SLC8A1: variants seen among roughly 807,000 people sequenced by gnomAD.
SLC8A1 encodes solute carrier family 8 member A1, also known as sodium/calcium exchanger 1.
In SLC8A1, 18 loss-of-function variants were observed where a neutral mutation model predicts 68.3. The ratio of observed to expected loss-of-function variants is 0.26; its 90% CI spans 0.18 to 0.39. The LOEUF (loss-of-function observed/expected upper bound fraction) is 0.39. Ranked by LOEUF, SLC8A1 falls within the 10% of genes least tolerant of loss-of-function variation. The probability of loss-of-function intolerance (pLI) is 1.00; values close to 1 mark genes in which losing one functional copy is unlikely to be tolerated. For synonymous variants in SLC8A1, 475 were observed against 415.5 expected, an observed-to-expected ratio of 1.14 and a Z score of -1.74; for missense variants, 985 against 1,156.7, an observed-to-expected ratio of 0.85 and a Z score of 2.15.
intron 2 of SLC8A1, among the ~76,000 whole-genome samples, chr2:40,370,377 T>A (rs930985847): frequency 6.6e-6 from 1 of 152,032 alleles, no homozygotes; most frequent in African/African-American, 2.4e-5. Flanking sequence ...CTCCCCAACT[T>A]CTTATATAGC....
intron 1 of SLC8A1, among the ~76,000 whole-genome samples, chr2:40,473,923 T>C (rs1361315390): frequency 6.6e-6 from 1 of 152,210 alleles, no homozygotes; most frequent in African/African-American, 2.4e-5. Flanking sequence ...TGATTTGATA[T>C]TCAATATAAA....
At chr2:40,239,865 T>G (rs1170858830) in intron 2 of SLC8A1, among the ~76,000 whole-genome samples, 1 of 152,202 alleles carries the variant, frequency 6.6e-6, no homozygotes, top group East Asian at 1.9e-4. Flanking sequence ...ACTAAATATG[T>G]TGATTGCATG....
intron 6 of SLC8A1, among the ~76,000 whole-genome samples, chr2:40,157,668 G>A (rs2044815080): frequency 6.6e-6 from 1 of 152,172 alleles, no homozygotes; most frequent in South Asian, 2.1e-4. Context: ...ACTGGACAGG[G>A]AATGCTGGCT....
At chr2:40,485,516 G>A (rs1319599878) in intron 1 of SLC8A1, among the ~76,000 whole-genome samples, 4 of 152,112 alleles carry the variant, frequency 2.6e-5, no homozygotes, top group Non-Finnish European at 5.9e-5. Flanking sequence ...AAACGTCTGG[G>A]GATGTTAAGC....
chr2:40,428,640 A>T (rs1174180729), exon 2 of SLC8A1: 1 of 1,613,856 alleles, frequency 6.2e-7, no homozygotes, highest in Non-Finnish European at 8.5e-7. Flanking sequence ...CACTCACATG[A>T]GTCACAGGTT....
intron 2 of SLC8A1, among the ~76,000 whole-genome samples, chr2:40,253,776 G>A (rs904589091): frequency 5.7e-5 from 8 of 141,320 alleles, no homozygotes; most frequent in Non-Finnish European, 9.0e-5. Context: ...GCAGTGAGCC[G>A]AGATCATGCC....
upstream of SLC8A1, among the ~76,000 whole-genome samples, chr2:40,455,563 G>GCA (rs1553619099): frequency 0.037 from 4,144 of 110,754 alleles, 199 homozygotes; most frequent in African/African-American, 0.11. Flanking sequence ...TTACATAATA[G>GCA]CCCCTAGCCT....
At chr2:40,316,467 T>C (rs1431344451) in intron 2 of SLC8A1, among the ~76,000 whole-genome samples, 1 of 152,068 alleles carries the variant, frequency 6.6e-6, no homozygotes, top group Non-Finnish European at 1.5e-5. Context: ...ATTTGATAGA[T>C]AAGTTTGGTA....
chr2:40,502,080 C>T (rs1283949807), intron 1 of SLC8A1, among the ~76,000 whole-genome samples: 2 of 152,180 alleles, frequency 1.3e-5, no homozygotes, highest in African/African-American at 2.4e-5. Flanking sequence ...TGATATGTTC[C>T]ATTTGGTTCT....
chr2:40,195,567 T>A (rs1247577615), intron 2 of SLC8A1, among the ~76,000 whole-genome samples: 1 of 152,124 alleles, frequency 6.6e-6, no homozygotes, highest in Non-Finnish European at 1.5e-5. Context: ...TTTATGATTA[T>A]CTATAACTTC....
chr2:40,217,872 T>C (rs1206822737), intron 2 of SLC8A1, among the ~76,000 whole-genome samples: 1 of 152,134 alleles, frequency 6.6e-6, no homozygotes, highest in Non-Finnish European at 1.5e-5. Context: ...AAGTGAAAAA[T>C]ATTGTTAAGT....
upstream of SLC8A1, among the ~76,000 whole-genome samples, chr2:40,454,096 C>T (rs1702844408): frequency 6.6e-6 from 1 of 152,150 alleles, no homozygotes; most frequent in African/African-American, 2.4e-5. Context: ...AATATGTCCT[C>T]TACCAAAAAT....
intron 2 of SLC8A1, among the ~76,000 whole-genome samples, chr2:40,246,905 G>A (rs1352732885): frequency 6.6e-6 from 1 of 151,798 alleles, no homozygotes; most frequent in Non-Finnish European, 1.5e-5. Flanking sequence ...AGCTACCAGT[G>A]CCTGGCAAAG....
intron 1 of SLC8A1, among the ~76,000 whole-genome samples, chr2:40,447,588 TAAAAAAAAA>T (rs139695930): frequency 1.8e-4 from 25 of 139,296 alleles, no homozygotes; most frequent in Non-Finnish European, 3.0e-4. Context: ...CAATCCAAGT[TAAAAAAAAA>T]AAAAAAAAAA....
intron 2 of SLC8A1, among the ~76,000 whole-genome samples, chr2:40,358,387 G>C (rs1006384660): frequency 6.6e-6 from 1 of 152,008 alleles, no homozygotes; most frequent in African/African-American, 2.4e-5. Context: ...CATCTTGACA[G>C]CAAAAGAACA....
intron 2 of SLC8A1, among the ~76,000 whole-genome samples, chr2:40,305,364 C>T (rs545948098): frequency 3.9e-5 from 6 of 152,328 alleles, no homozygotes; most frequent in African/African-American, 1.2e-4. Flanking sequence ...TATTTAGCAG[C>T]ATCCCTAACC....
At chr2:40,400,046 C>T (rs1688225503) in intron 2 of SLC8A1, among the ~76,000 whole-genome samples, 1 of 152,164 alleles carries the variant, frequency 6.6e-6, no homozygotes, top group South Asian at 2.1e-4. Flanking sequence ...ATTAACAGTG[C>T]ATGCAGCCCC....
chr2:40,178,541 A>G, intron 2 of SLC8A1, 48 bp from the exon 3 acceptor site: 1 of 1,494,072 alleles, frequency 6.7e-7, no homozygotes, highest in Non-Finnish European at 9.3e-7. Flanking sequence ...AGGAAAGAGA[A>G]GAGAAGGAAC....
At chr2:40,280,997 A>G (rs2067434416) in intron 2 of SLC8A1, among the ~76,000 whole-genome samples, 1 of 152,234 alleles carries the variant, frequency 6.6e-6, no homozygotes, top group African/African-American at 2.4e-5. Flanking sequence ...GGTGGACTGT[A>G]GCCTACTAGA....
Sources: allele counts gnomAD v4.1 joint callset (sites outside exome capture counted in the v4.1 genomes callset), GRCh38; gene constraint gnomAD v4.1.1; transcripts MANE v1.5; gene names NCBI Gene and HGNC (gene_info 2026-07-23, HGNC 2026-07-21).